Variants in PSMA1 observed in about 807,000 individuals in gnomAD.
PSMA1 encodes the protein proteasome subunit alpha type-1.
PSMA1 carries 3 observed loss-of-function variants against 38.4 expected under a neutral mutation model. The observed-to-expected ratio is 0.08, with a 90% CI of 0.04 to 0.20. The LOEUF (loss-of-function observed/expected upper bound fraction) is 0.20, where lower values mean the gene tolerates loss of function less well. Ranked by LOEUF, PSMA1 falls within the 10% of genes least tolerant of loss-of-function variation. The pLI is 1.00. For synonymous variants in PSMA1, 101 were observed against 107.1 expected (o/e 0.94, Z 0.35); for missense variants, 227 against 325.3 (o/e 0.70, Z 2.32).
chr11:14,505,349 G>T, intron 9 of PSMA1, 101 bp from the exon 10 acceptor site: 1 of 995,450 alleles, frequency 1.0e-6, no homozygotes, highest in Non-Finnish European at 1.6e-6. Context: ...AGAAAAAGGG[G>T]TAAAGAGATA....
intron 2 of PSMA1, among the ~76,000 whole-genome samples, chr11:14,602,224 T>C (rs1054060808): frequency 1.3e-5 from 2 of 152,194 alleles, no homozygotes; most frequent in African/African-American, 4.8e-5. Flanking sequence ...AGTTATGTGA[T>C]AGAGACCGTT....
intron 2 of PSMA1, among the ~76,000 whole-genome samples, chr11:14,528,088 T>G (rs1851606112): frequency 6.6e-6 from 1 of 151,528 alleles, no homozygotes; most frequent in Non-Finnish European, 1.5e-5. Flanking sequence ...CGCTGAGGCC[T>G]CGACTTACTA....
chr11:14,598,026 CA>C (rs1362067895), intron 2 of PSMA1, among the ~76,000 whole-genome samples: 1 of 152,210 alleles, frequency 6.6e-6, no homozygotes, highest in Admixed American at 6.5e-5. Context: ...CACTCAGGAG[CA>C]AGTTGTTCAG....
At chr11:14,621,827 ATCTC>A (rs1852847176) in intron 1 of PSMA1, among the ~76,000 whole-genome samples, 1 of 152,134 alleles carries the variant, frequency 6.6e-6, no homozygotes, top group African/African-American at 2.4e-5. Flanking sequence ...CTTAATGTCA[ATCTC>A]TCTATCATAT....
chr11:14,602,968 C>G (rs1852602293), intron 2 of PSMA1, among the ~76,000 whole-genome samples: 2 of 152,186 alleles, frequency 1.3e-5, no homozygotes, highest in African/African-American at 4.8e-5. Context: ...CAATGTTTCA[C>G]CCACACTATA....
chr11:14,520,610 G>A, upstream of PSMA1: 1 of 676,310 alleles, frequency 1.5e-6, no homozygotes, highest in Non-Finnish European at 2.3e-6. Flanking sequence ...CTAGGTTCCT[G>A]TGTATGGCGG....
chr11:14,641,052 A>C (rs1284000409), intron 1 of PSMA1, among the ~76,000 whole-genome samples: 2 of 152,182 alleles, frequency 1.3e-5, no homozygotes, highest in Non-Finnish European at 2.9e-5. Flanking sequence ...TGATGGGTCA[A>C]AACGTGAGGG....
intron 2 of PSMA1, among the ~76,000 whole-genome samples, chr11:14,539,908 T>TA (rs1362544361): frequency 6.7e-6 from 1 of 149,758 alleles, no homozygotes; most frequent in South Asian, 2.1e-4. Flanking sequence ...AGATAAAGGA[T>TA]AAAAAAATCC....
At chr11:14,629,230 G>T (rs1212227770) in intron 1 of PSMA1, among the ~76,000 whole-genome samples, 2 of 152,030 alleles carry the variant, frequency 1.3e-5, no homozygotes, top group Non-Finnish European at 2.9e-5. Context: ...TTTTAGACAT[G>T]AAGTCCTTGC....
At chr11:14,627,692 G>A (rs549130713) in intron 1 of PSMA1, among the ~76,000 whole-genome samples, 2 of 152,260 alleles carry the variant, frequency 1.3e-5, no homozygotes, top group East Asian at 3.9e-4. Context: ...GAGAATAAGA[G>A]GCTTAGAGGA....
chr11:14,564,466 C>T (rs1224586568), intron 2 of PSMA1, among the ~76,000 whole-genome samples: 1 of 152,080 alleles, frequency 6.6e-6, no homozygotes, highest in Non-Finnish European at 1.5e-5. Flanking sequence ...TGGATTGCTT[C>T]CAGTTTTTGG....
chr11:14,592,724 C>A (rs1852438869), intron 2 of PSMA1, among the ~76,000 whole-genome samples: 1 of 152,120 alleles, frequency 6.6e-6, no homozygotes, highest in Non-Finnish European at 1.5e-5. Flanking sequence ...CTTGCTTTAT[C>A]CCTGGTGCCT....
intron 1 of PSMA1, among the ~76,000 whole-genome samples, chr11:14,639,562 C>T (rs1175778186): frequency 2.0e-5 from 3 of 152,176 alleles, no homozygotes; most frequent in East Asian, 3.8e-4. Context: ...GAATATATTG[C>T]AGAGCTAGCC....
chr11:14,561,565 C>A (rs2134173310), intron 2 of PSMA1, among the ~76,000 whole-genome samples: 1 of 152,276 alleles, frequency 6.6e-6, no homozygotes, highest in East Asian at 1.9e-4. Flanking sequence ...TAATTCTTCT[C>A]AAATCTCTTT....
At chr11:14,526,966 C>G (rs1172910419) in intron 2 of PSMA1, among the ~76,000 whole-genome samples, 1 of 152,158 alleles carries the variant, frequency 6.6e-6, no homozygotes, top group Non-Finnish European at 1.5e-5. Flanking sequence ...GAGCCCTCAC[C>G]TTTGCAAAGG....
intron 2 of PSMA1, among the ~76,000 whole-genome samples, chr11:14,594,759 C>A (rs781422286): frequency 6.6e-6 from 1 of 151,806 alleles, no homozygotes; most frequent in Non-Finnish European, 1.5e-5. Flanking sequence ...AAATGCATAA[C>A]GTTTCTTTTT....
At chr11:14,557,679 A>G (rs1851956541) in intron 2 of PSMA1, among the ~76,000 whole-genome samples, 2 of 152,152 alleles carry the variant, frequency 1.3e-5, no homozygotes, top group Non-Finnish European at 2.9e-5. Context: ...ACTTCCATTT[A>G]AATCCCTTGT....
At chr11:14,632,625 G>T (rs1279810568) in intron 1 of PSMA1, among the ~76,000 whole-genome samples, 3 of 151,082 alleles carry the variant, frequency 2.0e-5, no homozygotes, top group African/African-American at 7.3e-5. Context: ...CAGCTTTGGT[G>T]AATCTGACAA....
intron 2 of PSMA1, among the ~76,000 whole-genome samples, chr11:14,529,028 TGTTTG>T (rs1851617787): frequency 6.6e-6 from 1 of 151,688 alleles, no homozygotes. Flanking sequence ...ACACAAAGCC[TGTTTG>T]GTGTTCTCTT....
Sources: gnomAD v4.1 joint callset for allele counts (sites outside exome capture counted in the v4.1 genomes callset) on GRCh38, gnomAD v4.1.1 for gene constraint, MANE v1.5 for transcripts, NCBI Gene and HGNC (gene_info 2026-07-23, HGNC 2026-07-21) for gene names.